Variants in ARIH2 observed in about 807,000 individuals in gnomAD.
ARIH2 encodes ariadne RBR E3 ubiquitin protein ligase 2, also known as E3 ubiquitin-protein ligase ARIH2.
A neutral mutation model predicts 79.8 loss-of-function variants in ARIH2; 12 were observed. The ratio of observed to expected loss-of-function variants is 0.15; its 90% CI spans 0.10 to 0.24. The LOEUF is 0.24. Ranked by LOEUF, ARIH2 falls within the 10% of genes least tolerant of loss-of-function variation. The probability of loss-of-function intolerance (pLI) is 1.00; values close to 1 mark genes in which losing one functional copy is unlikely to be tolerated. For missense variants in ARIH2, 301 were observed against 618.3 expected (o/e 0.49, Z 5.44); for synonymous variants, 224 against 213.9 (o/e 1.05, Z -0.41).
intron 3 of ARIH2, among the ~76,000 whole-genome samples, chr3:48,947,133 T>G (rs1486799890): frequency 6.6e-6 from 1 of 152,002 alleles, no homozygotes; most frequent in East Asian, 1.9e-4. Context: ...GAAGCCTTGG[T>G]CAGGGAGATC....
At chr3:48,939,419 G>C (rs1386958711) in intron 3 of ARIH2, among the ~76,000 whole-genome samples, 1 of 151,946 alleles carries the variant, frequency 6.6e-6, no homozygotes, top group Non-Finnish European at 1.5e-5. Flanking sequence ...TATGTACACA[G>C]AGCTTAGGAT....
At chr3:48,935,024 G>T in intron 3 of ARIH2, 1 of 838,142 alleles carries the variant, frequency 1.2e-6, no homozygotes. Flanking sequence ...TTGTCAAGAT[G>T]TTACTACAGT....
chr3:48,972,049 C>G (rs563163972), intron 8 of ARIH2, among the ~76,000 whole-genome samples: 12 of 152,104 alleles, frequency 7.9e-5, no homozygotes, highest in Non-Finnish European at 1.8e-4. Flanking sequence ...TTTGTGCATT[C>G]TTGTGTGCAT....
chr3:48,940,147 A>G (rs1244188371), intron 3 of ARIH2, among the ~76,000 whole-genome samples: 3 of 151,802 alleles, frequency 2.0e-5, no homozygotes, highest in African/African-American at 7.3e-5. Context: ...CGGAGCTTGC[A>G]GTGAGCCAAG....
In ARIH2 at chr3:48,985,801, T is replaced by TC. The variant is rs2092888742; in HGVS notation, c.*2535dup. On this transcript the variant is annotated 3_prime_UTR_variant, in exon 16 of 16. Transcript: ENST00000356401. Reference sequence around the variant, plus strand: ...TCTCCCTCAGTACAGGCTGAATCATTCCCCACCACAGATAGATCCCAGGGT... The same window carrying TC: ...TCTCCCTCAGTACAGGCTGAATCATTCCCCCACCACAGATAGATCCCAGGGT... 1 of 152,106 alleles carries TC rather than the reference T, an allele frequency of 6.6e-6. No homozygotes were observed. Among genetic ancestry groups the TC allele is most frequent in the African/African-American group, 2.4e-5 (1 of 41,384 alleles). 9.4% of individuals were successfully genotyped at this position (152,106 alleles called of 1,614,324 possible).
At chr3:48,938,296 G>C (rs910603910) in intron 3 of ARIH2, among the ~76,000 whole-genome samples, 1 of 152,098 alleles carries the variant, frequency 6.6e-6, no homozygotes, top group African/African-American at 2.4e-5. Flanking sequence ...CCCTACCTCT[G>C]CTTCTTCTGT....
At chr3:48,970,942 T>A (rs1003165166) in intron 8 of ARIH2, 5 of 411,066 alleles carry the variant, frequency 1.2e-5, no homozygotes, top group Admixed American at 3.9e-5. Context: ...GTGTTGTGGC[T>A]TATGCTACTA....
At chr3:48,952,720 G>A (rs570409885) in intron 3 of ARIH2, among the ~76,000 whole-genome samples, 24 of 152,190 alleles carry the variant, frequency 1.6e-4, no homozygotes, top group Non-Finnish European at 2.6e-4. Flanking sequence ...GGCAAGATGG[G>A]GATACAAGAG....
chr3:48,967,703 A>G (rs2091893831), intron 6 of ARIH2, among the ~76,000 whole-genome samples: 1 of 152,248 alleles, frequency 6.6e-6, no homozygotes, highest in African/African-American at 2.4e-5. Context: ...TTAGCATCGC[A>G]TTAATTGATA....
At chr3:48,973,664 T>C in intron 8 of ARIH2, 35 bp from the exon 9 acceptor site, 2 of 1,519,768 alleles carry the variant, frequency 1.3e-6, no homozygotes. Flanking sequence ...CCTGACTTAA[T>C]GAATATTTGA....
intron 3 of ARIH2, among the ~76,000 whole-genome samples, chr3:48,955,302 G>A (rs1217067353): frequency 6.6e-6 from 1 of 151,724 alleles, no homozygotes; most frequent in Non-Finnish European, 1.5e-5. Flanking sequence ...ACACCACATT[G>A]GTCACATGTG....
chr3:48,947,406 A>G (rs1308772373), intron 3 of ARIH2, among the ~76,000 whole-genome samples: 5 of 143,572 alleles, frequency 3.5e-5, no homozygotes, highest in African/African-American at 1.3e-4. Context: ...GTGCCATTGC[A>G]CTCCAGCCTG....
At chr3:48,942,538 C>T (rs934959237) in intron 3 of ARIH2, among the ~76,000 whole-genome samples, 16 of 151,446 alleles carry the variant, frequency 1.1e-4, no homozygotes, top group African/African-American at 3.6e-4. Flanking sequence ...ACGGAGTCTC[C>T]GTTGCCCAGG....
chr3:48,951,596 T>C (rs542126144), intron 3 of ARIH2, among the ~76,000 whole-genome samples: 46 of 152,326 alleles, frequency 3.0e-4, no homozygotes, highest in Middle Eastern at 3.4e-3. Flanking sequence ...GACTTCAATG[T>C]CTTTACTATA....
intron 3 of ARIH2, among the ~76,000 whole-genome samples, chr3:48,947,122 A>G (rs542261415): frequency 5.9e-4 from 90 of 152,304 alleles, no homozygotes; most frequent in Middle Eastern, 6.8e-3. Context: ...TGAAATACTC[A>G]GAAGCCTTGG....
intron 3 of ARIH2, among the ~76,000 whole-genome samples, chr3:48,939,026 G>C (rs780684585): frequency 1.3e-5 from 2 of 151,606 alleles, no homozygotes; most frequent in Non-Finnish European, 2.9e-5. Context: ...GGAGTGCAGT[G>C]GCGTGATCTC....
intron 3 of ARIH2, among the ~76,000 whole-genome samples, chr3:48,942,573 G>A (rs1260160527): frequency 1.3e-5 from 2 of 151,172 alleles, no homozygotes; most frequent in East Asian, 1.9e-4. Context: ...CCGCCTCCCC[G>A]GTTTAAGTGA....
chr3:48,979,755 C>T lies in ARIH2; in HGVS notation c.1113+122C>T, dbSNP rs545836292. 6.9e-4 allele frequency: 732 copies of T among 1,056,252 alleles called. 1 individual carries two copies. The highest frequency in any genetic ancestry group is 1.9e-3 in the South Asian group (117 of 62,830). 65.4% of individuals were successfully genotyped at this position (1,056,252 alleles called of 1,614,324 possible). On this transcript the variant is annotated intron_variant, in intron 12 of 15. Transcript: ENST00000356401. ...TGCACATAGAAGTCAGTGAATGGAG[C>T]TCCTGCAGTATCCCTGGTGCTGCCT...
Position 48,983,363 on chromosome 3 carries a change from C to T in ARIH2, c.*93C>T. 1 of 1,276,796 alleles carries T rather than the reference C, an allele frequency of 7.8e-7. No individual in the cohort carries two copies. The highest frequency in any genetic ancestry group is 1.2e-5 in the South Asian group (1 of 83,568). The allele number at this position is 1,276,796 out of a possible 1,614,324, so 79.1% of individuals were successfully genotyped here. A position where few individuals can be genotyped will look rare whatever the true frequency, so the allele number is the denominator to read the frequency against. On this transcript the variant is annotated 3_prime_UTR_variant, in exon 16 of 16. Transcript: ENST00000356401. ...GCTGCAGGCTCTGCCTTTCATGACC[C>T]CAGGCAACAGCCAGGGCCCCACTCC...
Sources: gnomAD v4.1 joint callset for allele counts (sites outside exome capture counted in the v4.1 genomes callset) on GRCh38, gnomAD v4.1.1 for gene constraint, MANE v1.5 for transcripts, NCBI Gene and HGNC (gene_info 2026-07-23, HGNC 2026-07-21) for gene names.